EGFR: variants seen among roughly 807,000 people sequenced by gnomAD.
The protein encoded by EGFR is avian erythroblastic leukemia viral (v-erb-b) oncogene homolog.
Under a neutral mutation model 143.0 loss-of-function variants are expected in EGFR, and 58 were observed. That is an observed-to-expected ratio of 0.41 (90% CI 0.33 to 0.50). The LOEUF (loss-of-function observed/expected upper bound fraction) is 0.50. Among genes scored for constraint, EGFR ranks in the 20% least tolerant of loss-of-function variants. EGFR has a pLI of 0.39. For missense variants in EGFR, 1,307 were observed against 1,579.0 expected (o/e 0.83, Z 2.92); for synonymous variants, 613 against 594.4 (o/e 1.03, Z -0.45).
chr7:55,122,628 C>T (rs1793277500), intron 1 of EGFR, among the ~76,000 whole-genome samples: 1 of 152,254 alleles, frequency 6.6e-6, no homozygotes. Flanking sequence ...TGTGCCTTCT[C>T]ACTCTCTGTT....
At chr7:55,119,258 C>T (rs1033368520) in intron 1 of EGFR, 2 of 152,222 alleles carry the variant, frequency 1.3e-5, no homozygotes, top group African/African-American at 2.4e-5. Context: ...CCTACAAACC[C>T]TTTTCCCATG....
chr7:55,199,460 A>G (rs2128969308), intron 23 of EGFR, among the ~76,000 whole-genome samples: 1 of 152,378 alleles, frequency 6.6e-6, no homozygotes, highest in Non-Finnish European at 1.5e-5. Flanking sequence ...GGAATATGAC[A>G]GAGCCAAGTT....
At chr7:55,143,901 C>T (rs1022289473) in intron 3 of EGFR, among the ~76,000 whole-genome samples, 6 of 152,064 alleles carry the variant, frequency 3.9e-5, no homozygotes, top group Admixed American at 6.5e-5. Flanking sequence ...AGGACAGTTT[C>T]GAGAGTCGCG....
chr7:55,114,403 T>C (rs1055154555), intron 1 of EGFR, among the ~76,000 whole-genome samples: 1 of 152,170 alleles, frequency 6.6e-6, no homozygotes, highest in Non-Finnish European at 1.5e-5. Flanking sequence ...GGAGGATCAC[T>C]TGAGCCCAGG....
At chr7:55,149,577 T>A (rs906792805) in intron 4 of EGFR, among the ~76,000 whole-genome samples, 2 of 152,194 alleles carry the variant, frequency 1.3e-5, no homozygotes, top group Admixed American at 6.5e-5. Flanking sequence ...TGTGGGCATA[T>A]ATGTTAATAA....
chr7:55,170,190 G>T, intron 15 of EGFR: 1 of 1,574,406 alleles, frequency 6.4e-7, no homozygotes, highest in Non-Finnish European at 8.7e-7. Context: ...GAAGAGCAGT[G>T]TAGAGAACAG....
intron 1 of EGFR, among the ~76,000 whole-genome samples, chr7:55,059,274 A>G (rs911843625): frequency 1.3e-5 from 2 of 152,230 alleles, no homozygotes; most frequent in Non-Finnish European, 2.9e-5. Flanking sequence ...AAAGAGTGAA[A>G]GAACTTTCTC....
intron 12 of EGFR, among the ~76,000 whole-genome samples, chr7:55,160,580 T>C (rs1374682943): frequency 6.6e-6 from 1 of 152,270 alleles, no homozygotes; most frequent in African/African-American, 2.4e-5. Flanking sequence ...TTATTTGTAA[T>C]GTAAGTAACT....
chr7:55,026,829 C>T (rs531069537), intron 1 of EGFR, among the ~76,000 whole-genome samples: 1 of 152,112 alleles, frequency 6.6e-6, no homozygotes, highest in East Asian at 1.9e-4. Context: ...CCAGGAGTGC[C>T]TCCCAGGTTT....
intron 1 of EGFR, among the ~76,000 whole-genome samples, chr7:55,041,219 C>T (rs961153106): frequency 3.9e-5 from 6 of 152,298 alleles, no homozygotes; most frequent in Non-Finnish European, 8.8e-5. Context: ...TCGAGACCAG[C>T]CTGGCCAACA....
intron 3 of EGFR, among the ~76,000 whole-genome samples, chr7:55,146,033 T>C (rs1794742291): frequency 1.3e-5 from 2 of 152,226 alleles, no homozygotes; most frequent in Admixed American, 1.3e-4. Flanking sequence ...TAGTTCTTCT[T>C]TGGAAACAGC....
chr7:55,097,015 A>G (rs1791516832), intron 1 of EGFR, among the ~76,000 whole-genome samples: 1 of 152,160 alleles, frequency 6.6e-6, no homozygotes, highest in Admixed American at 6.5e-5. Flanking sequence ...TTTCCCTAGT[A>G]AGGAGACTGA....
At chr7:55,083,348 A>G (rs1790574713) in intron 1 of EGFR, among the ~76,000 whole-genome samples, 1 of 152,216 alleles carries the variant, frequency 6.6e-6, no homozygotes, top group African/African-American at 2.4e-5. Flanking sequence ...TATTCTTTAG[A>G]CAATAACTCA....
At chr7:55,145,554 G>T (rs1374129374) in intron 3 of EGFR, among the ~76,000 whole-genome samples, 1 of 152,134 alleles carries the variant, frequency 6.6e-6, no homozygotes, top group Admixed American at 6.5e-5. Context: ...GCCCTTCTGG[G>T]GAAGCTCATT....
In EGFR at chr7:55,155,931, G is replaced by A. The variant is rs1785391447; in HGVS notation, c.991G>A (p.Gly331Arg). The change falls in exon 8 of 28, where the codon GGG (glycine) becomes AGG (arginine). Residue 331 changes from glycine (G) to arginine (R), a missense_variant. By Grantham distance (125) the Gly-to-Arg change is moderately radical (BLOSUM62 -2). This residue lies in a region of EGFR where 311 missense variants were observed against 412.3 expected (regional missense o/e 0.75). Coordinates refer to ENST00000275493, the MANE Select transcript of EGFR (RefSeq NM_005228.5). ...DGVRKCKKCEGPCRKVCNGIG... is the reference protein window; with the variant it reads ...DGVRKCKKCERPCRKVCNGIG... ...CGTCCGCAAGTGTAAGAAGTGCGAA[G>A]GGCCTTGCCGCAAAGGTAGGAAGCC... The A allele has an allele frequency of 6.2e-7, 1 of 1,613,688 alleles. No individual in the cohort carries two copies. Among genetic ancestry groups the A allele is most frequent in the Non-Finnish European group, 8.5e-7 (1 of 1,179,840 alleles).
chr7:55,192,363 G>T (rs944530054), intron 21 of EGFR, among the ~76,000 whole-genome samples: 1 of 152,114 alleles, frequency 6.6e-6, no homozygotes, highest in Non-Finnish European at 1.5e-5. Flanking sequence ...GCACTAAGGG[G>T]TGCGCGTCCC....
intron 1 of EGFR, among the ~76,000 whole-genome samples, chr7:55,027,213 C>T (rs1786946528): frequency 6.6e-6 from 1 of 152,122 alleles, no homozygotes; most frequent in Non-Finnish European, 1.5e-5. Context: ...CCCTGTAATG[C>T]AATGTTTTAT....
At chr7:55,113,921 C>A (rs1792671349) in intron 1 of EGFR, among the ~76,000 whole-genome samples, 1 of 152,184 alleles carries the variant, frequency 6.6e-6, no homozygotes, top group Non-Finnish European at 1.5e-5. Flanking sequence ...CAAGCCAGGC[C>A]TCACCCGACA....
intron 1 of EGFR, among the ~76,000 whole-genome samples, chr7:55,032,132 C>T (rs974538633): frequency 6.6e-6 from 1 of 152,196 alleles, no homozygotes; most frequent in Non-Finnish European, 1.5e-5. Flanking sequence ...ATCTCACAAT[C>T]GCCCTATGTC....
Sources: gnomAD v4.1 joint callset for allele counts (sites outside exome capture counted in the v4.1 genomes callset) on GRCh38, gnomAD v4.1.1 for gene constraint, gnomAD v4.1.1 regional missense constraint, MANE v1.5 for transcripts, NCBI Gene and HGNC (gene_info 2026-07-23, HGNC 2026-07-21) for gene names.